CHD2: variants seen among roughly 807,000 people sequenced by gnomAD.
The protein encoded by CHD2 is ATP-dependent chromatin remodeler CHD2.
A neutral mutation model predicts 243.9 loss-of-function variants in CHD2; 28 were observed. That is an observed-to-expected ratio of 0.11 (90% CI 0.09 to 0.16). The LOEUF is 0.16. Ranked by LOEUF, CHD2 falls within the 10% of genes least tolerant of loss-of-function variation. CHD2 has a pLI of 1.00. For synonymous variants in CHD2, 775 were observed against 779.0 expected (o/e 0.99, Z 0.09); for missense variants, 1,386 against 2,209.8 (o/e 0.63, Z 7.47).
chr15:92,947,934 T>C (rs572058644), intron 12 of CHD2, among the ~76,000 whole-genome samples: 2 of 152,368 alleles, frequency 1.3e-5, no homozygotes, highest in South Asian at 4.1e-4. Context: ...AAAAGACTTT[T>C]TGGCCATGTA....
Position 92,948,801 on chromosome 15 carries a change from T to C in CHD2, c.1378-151T>C, listed in dbSNP as rs1160160729. On this transcript the variant is annotated intron_variant, in intron 12 of 38. Transcript: ENST00000394196. Reference sequence around the variant, plus strand: ...TTGCAGTGAGCCGAGATTGGGCCACTGCACTCCAGCCTGGGTGACAGAGCA... The same window carrying C: ...TTGCAGTGAGCCGAGATTGGGCCACCGCACTCCAGCCTGGGTGACAGAGCA... 6.5e-6 allele frequency: 5 copies of C among 770,150 alleles called. No homozygotes were observed. In the East Asian group the frequency reaches 1.2e-4, roughly 18 times the overall value. 47.7% of individuals were successfully genotyped at this position (770,150 alleles called of 1,614,324 possible).
chr15:92,985,642 G>T lies in CHD2; in HGVS notation c.3382G>T (p.Val1128Leu), dbSNP rs776091604. The T allele has an allele frequency of 1.9e-6, 3 of 1,613,072 alleles. No homozygotes were observed. Among genetic ancestry groups the T allele is most frequent in the Non-Finnish European group, 2.5e-6 (3 of 1,179,898 alleles). ...GRPRSVRKDL[V>L]EGFTDAEIRR... ...TCCGAGGAGTGTGCGGAAGGACCTC[G>T]TGGAGGGATTTACTGATGCAGAGAT... Residue 1128 changes from valine to leucine, a missense_variant, in exon 26 of 39, where the codon GTG becomes TTG. By Grantham distance (32) the Val-to-Leu change is conservative. This residue lies in a region of CHD2 where 18 missense variants were observed against 20.6 expected (regional missense o/e 0.88). Transcript: ENST00000394196.
chr15:92,928,656 C>G (rs1327320869), intron 4 of CHD2, among the ~76,000 whole-genome samples: 1 of 152,210 alleles, frequency 6.6e-6, no homozygotes, highest in Non-Finnish European at 1.5e-5. Context: ...AAAAATAAAA[C>G]TTCCATTTCT....
intron 28 of CHD2, 146 bp from the exon 29 acceptor site, chr15:92,996,811 A>G: frequency 1.4e-6 from 1 of 716,116 alleles, no homozygotes; most frequent in Non-Finnish European, 2.1e-6. Context: ...TTGAGAAAAA[A>G]ATTTGTCTTA....
At chr15:92,936,727 T>C (rs1027037888) in intron 5 of CHD2, among the ~76,000 whole-genome samples, 15 of 152,180 alleles carry the variant, frequency 9.9e-5, no homozygotes, top group African/African-American at 3.6e-4. Flanking sequence ...GTATAGTGGT[T>C]CTCAGAGTTT....
chr15:92,999,355 T>C (rs1206995348), intron 31 of CHD2, among the ~76,000 whole-genome samples: 1 of 152,214 alleles, frequency 6.6e-6, no homozygotes, highest in Non-Finnish European at 1.5e-5. Flanking sequence ...AGAGATAAAA[T>C]GGACAGTTGT....
intron 12 of CHD2, chr15:92,946,956 G>A (rs1043588346): frequency 9.9e-5 from 15 of 151,890 alleles, no homozygotes; most frequent in East Asian, 7.8e-4. Flanking sequence ...AATAGAGAGC[G>A]GGAAGTGATA....
chr15:92,978,872 A>G (rs1342170067), intron 21 of CHD2, among the ~76,000 whole-genome samples: 37 of 152,182 alleles, frequency 2.4e-4, no homozygotes, highest in Admixed American at 2.4e-3. Context: ...CCATCACTGA[A>G]GCACGATTTT....
intron 16 of CHD2, among the ~76,000 whole-genome samples, chr15:92,965,609 T>G (rs1213626851): frequency 2.1e-5 from 3 of 143,838 alleles, no homozygotes; most frequent in Non-Finnish European, 4.5e-5. Context: ...ACTCAGAATC[T>G]GATGGTAAAT....
At chr15:92,958,881 G>A (rs1236490410) in intron 16 of CHD2, among the ~76,000 whole-genome samples, 1 of 152,186 alleles carries the variant, frequency 6.6e-6, no homozygotes, top group Non-Finnish European at 1.5e-5. Context: ...AGCACATTCA[G>A]GGTAGGCTAC....
In CHD2 at chr15:93,020,143, C is replaced by T. The variant is rs778703194; in HGVS notation, c.5038C>T (p.His1680Tyr). Residue 1680 changes from histidine to tyrosine, a missense_variant, in exon 38 of 39, where the codon CAT becomes TAT. Coordinates refer to ENST00000394196, the MANE Select transcript of CHD2 (RefSeq NM_001271.4). ...YKDHHYGDRR[H>Y]MDAHRSGSYR... ...GGACCACCATTATGGGGACCGGCGA[C>T]ATATGGATGCCCACCGTTCCGGAAG... The T allele has an allele frequency of 2.5e-6, 4 of 1,614,044 alleles. No homozygotes were observed. Among genetic ancestry groups the T allele is most frequent in the Non-Finnish European group, 2.5e-6 (3 of 1,179,992 alleles).
intron 2 of CHD2, among the ~76,000 whole-genome samples, chr15:92,910,953 T>A (rs747115877): frequency 8.5e-5 from 13 of 152,200 alleles, no homozygotes; most frequent in Non-Finnish European, 1.9e-4. Context: ...ATAGAGCATG[T>A]TACAGTACTG....
intron 2 of CHD2, among the ~76,000 whole-genome samples, chr15:92,915,850 A>G (rs904444268): frequency 6.6e-6 from 1 of 152,196 alleles, no homozygotes; most frequent in Non-Finnish European, 1.5e-5. Flanking sequence ...AAAAATAAAA[A>G]TGCTACATAC....
intron 36 of CHD2, among the ~76,000 whole-genome samples, chr15:93,012,655 T>A (rs2054407725): frequency 6.6e-6 from 1 of 152,136 alleles, no homozygotes; most frequent in South Asian, 2.1e-4. Flanking sequence ...TACCCTGTGT[T>A]TTTAGGTCCT....
At chr15:92,933,115 C>G (rs2053204630) in intron 5 of CHD2, among the ~76,000 whole-genome samples, 1 of 150,220 alleles carries the variant, frequency 6.7e-6, no homozygotes, top group African/African-American at 2.5e-5. Flanking sequence ...CCATAGCTCA[C>G]TGCAACCTTG....
intron 32 of CHD2, 113 bp from the exon 33 acceptor site, chr15:93,002,064 C>T: frequency 7.3e-7 from 1 of 1,377,430 alleles, no homozygotes; most frequent in Non-Finnish European, 9.6e-7. Context: ...TGAAAACAAG[C>T]TTCTAAGTAT....
chr15:92,965,128 C>T (rs1003558950), intron 16 of CHD2: 6 of 152,152 alleles, frequency 3.9e-5, no homozygotes, highest in Admixed American at 3.9e-4. Flanking sequence ...AAGTTGATAG[C>T]AGGGATTTAT....
chr15:92,966,008 G>T (rs1399997677), intron 16 of CHD2, among the ~76,000 whole-genome samples: 5 of 151,358 alleles, frequency 3.3e-5, no homozygotes, highest in African/African-American at 1.2e-4. Context: ...CATTTAGTGT[G>T]TGAGGTATCA....
In CHD2 at chr15:92,957,902, A is replaced by G. The variant is rs77938281; in HGVS notation, c.2000+1253A>G. On this transcript the variant is annotated intron_variant, in intron 16 of 38. Coordinates refer to ENST00000394196, the MANE Select transcript of CHD2 (RefSeq NM_001271.4). ...TTTACCTTTTCTAGAAGTTTTATAT[A>G]AGTGGAATCCTAATATGTAGGCTTT... is the stretch of plus-strand genomic sequence containing the variant. 2.2e-3 allele frequency among the ~76,000 whole-genome samples: 334 copies of G among 152,196 alleles called. 1 individual carries two copies. The highest frequency in any genetic ancestry group is 7.6e-3 in the African/African-American group (317 of 41,524).
Sources: gnomAD v4.1 joint callset for allele counts (sites outside exome capture counted in the v4.1 genomes callset) on GRCh38, gnomAD v4.1.1 for gene constraint, gnomAD v4.1.1 regional missense constraint, MANE v1.5 for transcripts, NCBI Gene and HGNC (gene_info 2026-07-23, HGNC 2026-07-21) for gene names.